RBFOX1: variants seen among roughly 807,000 people sequenced by gnomAD.
The protein encoded by RBFOX1 is RNA binding fox-1 homolog 1, also known as RNA binding protein fox-1 homolog 1.
RBFOX1 carries 8 observed loss-of-function variants against 57.7 expected under a neutral mutation model. The ratio of observed to expected loss-of-function variants is 0.14; its 90% CI spans 0.08 to 0.25. The LOEUF is 0.25. Ranked by LOEUF, RBFOX1 falls within the 10% of genes least tolerant of loss-of-function variation. The pLI, the probability that RBFOX1 is intolerant of heterozygous loss-of-function variation, is 1.00. For missense variants in RBFOX1, 611 were observed against 548.5 expected (o/e 1.11, Z -1.14); for synonymous variants, 326 against 222.4 (o/e 1.47, Z -4.15).
chr16:6,897,449 A>G (rs964812728), intron 3 of RBFOX1, among the ~76,000 whole-genome samples: 13 of 152,092 alleles, frequency 8.5e-5, no homozygotes, highest in Non-Finnish European at 1.8e-4. Flanking sequence ...ATGTCCTGAC[A>G]CAGATTAAAA....
chr16:6,354,533 G>A (rs1182516320), intron 2 of RBFOX1, among the ~76,000 whole-genome samples: 1 of 152,132 alleles, frequency 6.6e-6, no homozygotes, highest in African/African-American at 2.4e-5. Context: ...TCTTTCCCAA[G>A]ATCAGGACCA....
intron 1 of RBFOX1, among the ~76,000 whole-genome samples, chr16:6,144,281 C>T (rs944761532): frequency 6.6e-6 from 1 of 152,220 alleles, no homozygotes; most frequent in African/African-American, 2.4e-5. Flanking sequence ...CATATTGTTC[C>T]TATCCAGAGA....
intron 4 of RBFOX1, among the ~76,000 whole-genome samples, chr16:7,110,076 G>T (rs543210271): frequency 4.0e-5 from 6 of 151,892 alleles, no homozygotes; most frequent in African/African-American, 1.2e-4. Context: ...GAATCTCTGT[G>T]TGGTGGCTCA....
intron 6 of RBFOX1, among the ~76,000 whole-genome samples, chr16:7,581,645 C>T (rs746854781): frequency 6.6e-5 from 10 of 152,070 alleles, no homozygotes; most frequent in African/African-American, 2.2e-4. Flanking sequence ...GTAGGGTAGA[C>T]GGCAAGGAGC....
At chr16:7,318,640 C>A (rs1347145890) in intron 4 of RBFOX1, among the ~76,000 whole-genome samples, 1 of 152,132 alleles carries the variant, frequency 6.6e-6, no homozygotes, top group African/African-American at 2.4e-5. Flanking sequence ...ACATAGAGAA[C>A]GTTTGTTAAA....
intron 4 of RBFOX1, among the ~76,000 whole-genome samples, chr16:7,133,279 A>G (rs942884766): frequency 6.6e-6 from 1 of 152,224 alleles, no homozygotes; most frequent in African/African-American, 2.4e-5. Flanking sequence ...TGTTTTGTAT[A>G]TAAGCCATGG....
At chr16:6,219,687 C>G (rs2097359257) in intron 1 of RBFOX1, among the ~76,000 whole-genome samples, 1 of 152,006 alleles carries the variant, frequency 6.6e-6, no homozygotes, top group Non-Finnish European at 1.5e-5. Context: ...CCAGCCTGAC[C>G]AACATGGTGA....
intron 3 of RBFOX1, among the ~76,000 whole-genome samples, chr16:5,834,276 C>G (rs2056379263): frequency 6.6e-6 from 1 of 152,126 alleles, no homozygotes; most frequent in East Asian, 1.9e-4. Context: ...TCTGAGTCTC[C>G]AATGTCCACC....
At chr16:6,842,158 AT>A (rs895285482) in intron 3 of RBFOX1, among the ~76,000 whole-genome samples, 915 of 90,548 alleles carry the variant, frequency 0.01, 15 homozygotes, top group African/African-American at 0.038. Flanking sequence ...AAAATAAAAA[AT>A]AAATAAATAA....
chr16:6,773,901 G>A, intron 3 of RBFOX1: 2 of 955,140 alleles, frequency 2.1e-6, no homozygotes, highest in Middle Eastern at 5.4e-4. Context: ...TGTGGGCATG[G>A]AGTGCATTTG....
At chr16:5,612,577 G>A (rs1475393886) in intron 3 of RBFOX1, among the ~76,000 whole-genome samples, 1 of 152,256 alleles carries the variant, frequency 6.6e-6, no homozygotes, top group Non-Finnish European at 1.5e-5. Context: ...ATACATGGTG[G>A]ATATGTCTGG....
chr16:7,407,203 C>G (rs891301132), intron 4 of RBFOX1, among the ~76,000 whole-genome samples: 11 of 152,116 alleles, frequency 7.2e-5, no homozygotes, highest in African/African-American at 2.7e-4. Context: ...GTCTTTGAAT[C>G]ACATCCATAA....
intron 3 of RBFOX1, among the ~76,000 whole-genome samples, chr16:6,881,038 T>C (rs1483543432): frequency 6.6e-6 from 1 of 152,152 alleles, no homozygotes; most frequent in African/African-American, 2.4e-5. Context: ...CACCTTCCCC[T>C]CCTATGCCTG....
chr16:6,611,150 AT>A (rs1012798885), intron 2 of RBFOX1, among the ~76,000 whole-genome samples: 2 of 151,948 alleles, frequency 1.3e-5, no homozygotes, highest in African/African-American at 4.8e-5. Flanking sequence ...TTGTGTAGTT[AT>A]TTTTTTGAGG....
At chr16:7,015,751 A>C (rs2093878855) in intron 3 of RBFOX1, among the ~76,000 whole-genome samples, 1 of 152,130 alleles carries the variant, frequency 6.6e-6, no homozygotes, top group Non-Finnish European at 1.5e-5. Flanking sequence ...TCATTTTAAT[A>C]ACATTTTCTT....
chr16:7,228,391 C>G (rs903874079), intron 4 of RBFOX1, among the ~76,000 whole-genome samples: 6 of 152,154 alleles, frequency 3.9e-5, no homozygotes, highest in African/African-American at 1.4e-4. Context: ...GTGAGTTCAA[C>G]TAAGATTTGC....
At chr16:5,607,702 T>C (rs78097322) in intron 3 of RBFOX1, among the ~76,000 whole-genome samples, 3,649 of 152,278 alleles carry the variant, frequency 0.024, 88 homozygotes, top group African/African-American at 0.063. Flanking sequence ...TACTTCTCTC[T>C]GTCGACACTA....
intron 4 of RBFOX1, among the ~76,000 whole-genome samples, chr16:7,372,938 T>G (rs1459404079): frequency 1.7e-5 from 1 of 59,368 alleles, no homozygotes; most frequent in Non-Finnish European, 4.7e-5. Flanking sequence ...GAAATTGCAT[T>G]TTTTTTTTTT....
chr16:7,455,155 C>T (rs939046605), intron 4 of RBFOX1, among the ~76,000 whole-genome samples: 1 of 152,186 alleles, frequency 6.6e-6, no homozygotes, highest in African/African-American at 2.4e-5. Flanking sequence ...TTATTAGAAG[C>T]AGCTAGATTT....
Sources: gnomAD v4.1 joint callset for allele counts (sites outside exome capture counted in the v4.1 genomes callset) on GRCh38, gnomAD v4.1.1 for gene constraint, MANE v1.5 for transcripts, NCBI Gene and HGNC (gene_info 2026-07-23, HGNC 2026-07-21) for gene names.